The following DNAI1 variants were observed in gnomAD, a reference collection of about 807,000 sequenced individuals.
The protein encoded by DNAI1 is dynein axonemal intermediate chain 1, also known as dynein, axonemal, intermediate polypeptide 1.
A neutral mutation model predicts 92.0 loss-of-function variants in DNAI1; 67 were observed. That is an observed-to-expected ratio of 0.73 (90% CI 0.60 to 0.89). The LOEUF (loss-of-function observed/expected upper bound fraction) is 0.89. DNAI1 is among the 40% of genes least tolerant of loss of function. DNAI1 has a pLI of 0.00. For synonymous variants in DNAI1, 323 were observed against 319.6 expected, an observed-to-expected ratio of 1.01 and a Z score of -0.11; for missense variants, 839 against 866.6, an observed-to-expected ratio of 0.97 and a Z score of 0.40.
intron 10 of DNAI1, 151 bp from the exon 11 acceptor site, chr9:34,500,571 A>T: frequency 1.5e-6 from 1 of 669,698 alleles, no homozygotes; most frequent in Non-Finnish European, 2.7e-6. Flanking sequence ...ATATATCCTC[A>T]CAACAGAACT....
chr9:34,485,512 T>C lies in DNAI1; in HGVS notation c.256T>C (p.Phe86Leu), dbSNP rs376483151. The C allele has an allele frequency of 8.1e-6, 13 of 1,613,998 alleles. No homozygotes were observed. In the African/African-American group the frequency reaches 1.7e-4, roughly 22 times the overall value. Residue 86 changes from phenylalanine to leucine, a missense_variant, in exon 4 of 20, where the codon TTC (phenylalanine) becomes CTC (leucine). By Grantham distance (22) the Phe-to-Leu change is conservative (BLOSUM62 0). Coordinates refer to ENST00000242317, the MANE Select transcript of DNAI1 (RefSeq NM_012144.4). The stretch of plus-strand genomic sequence containing the variant: ...ACCCCAGAACATTGTCAGGTACAGC[T>C]TCAAAGTAAGTCATCCCCTCCTGGG... ...HAPQNIVRYS[F>L]KEGTYKPIGF...
chr9:34,476,030 A>G (rs1056551835), intron 1 of DNAI1, among the ~76,000 whole-genome samples: 2 of 152,186 alleles, frequency 1.3e-5, no homozygotes, highest in African/African-American at 4.8e-5. Context: ...TTTGTTTTCA[A>G]TGTATCCTTC....
chr9:34,485,347 T>A, intron 3 of DNAI1, 90 bp from the exon 4 acceptor site: 2 of 1,587,416 alleles, frequency 1.3e-6, no homozygotes, highest in Non-Finnish European at 1.7e-6. Context: ...GGGTGTGAGA[T>A]GTCTGCTGAT....
At chr9:34,478,689 C>T (rs999736778) in intron 1 of DNAI1, 1 of 152,204 alleles carries the variant, frequency 6.6e-6, no homozygotes. Flanking sequence ...TTGTCTGCCA[C>T]GGTGGGCTGG....
At chr9:34,488,297 G>T (rs949115839) in intron 4 of DNAI1, 2 of 174,592 alleles carry the variant, frequency 1.1e-5, no homozygotes, top group African/African-American at 4.8e-5. Context: ...AACTCTGCCT[G>T]CCTCCAAAGA....
At chr9:34,485,098 A>G (rs1824444488) in intron 2 of DNAI1, 44 bp from the exon 3 acceptor site, 1 of 1,601,966 alleles carries the variant, frequency 6.2e-7, no homozygotes, top group African/African-American at 1.3e-5. Flanking sequence ...TGCTTGTCCA[A>G]GCAGAAAAGA....
intron 18 of DNAI1, among the ~76,000 whole-genome samples, chr9:34,515,586 G>C (rs1393334479): frequency 6.6e-6 from 1 of 152,266 alleles, no homozygotes; most frequent in Non-Finnish European, 1.5e-5. Context: ...CAACAACCCA[G>C]TGTCCATCAA....
At chr9:34,518,688 T>TG (rs1191505524) in intron 19 of DNAI1, among the ~76,000 whole-genome samples, 1 of 152,210 alleles carries the variant, frequency 6.6e-6, no homozygotes, top group Non-Finnish European at 1.5e-5. Context: ...CTGGCAGAGT[T>TG]GGACAACCCT....
intron 10 of DNAI1, among the ~76,000 whole-genome samples, chr9:34,499,155 C>T (rs1336142490): frequency 6.6e-6 from 1 of 152,204 alleles, no homozygotes; most frequent in Admixed American, 6.5e-5. Context: ...TTAATCTCTG[C>T]TCTGAATTGA....
intron 1 of DNAI1, among the ~76,000 whole-genome samples, chr9:34,480,974 C>T (rs1824341628): frequency 6.6e-6 from 1 of 151,890 alleles, no homozygotes; most frequent in South Asian, 2.1e-4. Flanking sequence ...GGCGTGGTGG[C>T]TTACGCCTGT....
rs190125701 is a variant in DNAI1 at position 34,466,843 on chromosome 9, T to G, written c.48+7790T>G. ...TTCCATGGTCTCCGCTCCCTCATAATTTTAGTCTGTTTCCAGCTTATCATA... is the reference window on the plus strand; with the variant it reads ...TTCCATGGTCTCCGCTCCCTCATAAGTTTAGTCTGTTTCCAGCTTATCATA... On this transcript the variant is annotated intron_variant, in intron 1 of 19. Transcript: ENST00000242317. Among the ~76,000 whole-genome samples the G allele has an allele frequency of 2.1e-3, 323 of 152,358 alleles. 2 individuals carry two copies. Among genetic ancestry groups the G allele is most frequent in the African/African-American group, 7.0e-3 (291 of 41,588 alleles).
chr9:34,483,611 A>G (rs1485746798), intron 2 of DNAI1, 131 bp downstream of exon 2: 10 of 797,020 alleles, frequency 1.3e-5, no homozygotes, highest in Non-Finnish European at 2.0e-5. Flanking sequence ...CCTTAAACCT[A>G]CCACCTTATA....
intron 13 of DNAI1, among the ~76,000 whole-genome samples, chr9:34,509,911 A>AG (rs1316809510): frequency 6.6e-6 from 1 of 151,950 alleles, no homozygotes; most frequent in Non-Finnish European, 1.5e-5. Flanking sequence ...AAAAAAAAAA[A>AG]AAAAGAAAAA....
chr9:34,481,781 G>A (rs966373910), intron 1 of DNAI1, among the ~76,000 whole-genome samples: 9 of 152,298 alleles, frequency 5.9e-5, no homozygotes, highest in African/African-American at 2.2e-4. Flanking sequence ...GCTCAGGAGT[G>A]AAGCTGCAGA....
intron 12 of DNAI1, among the ~76,000 whole-genome samples, chr9:34,503,011 G>A (rs894915791): frequency 6.6e-6 from 1 of 152,142 alleles, no homozygotes; most frequent in Non-Finnish European, 1.5e-5. Flanking sequence ...ATTCTTTCTC[G>A]TAGCTTTCCT....
chr9:34,482,032 C>G (rs968161456), intron 1 of DNAI1, among the ~76,000 whole-genome samples: 6 of 152,164 alleles, frequency 3.9e-5, no homozygotes, highest in Non-Finnish European at 1.5e-5. Flanking sequence ...GGTTACAATC[C>G]CTGAGCAAGA....
intron 9 of DNAI1, among the ~76,000 whole-genome samples, chr9:34,493,546 C>G (rs778113757): frequency 7.9e-5 from 12 of 151,986 alleles, no homozygotes; most frequent in Non-Finnish European, 1.8e-4. Flanking sequence ...GATCTGGAGG[C>G]TAGCAGTATT....
chr9:34,509,423 C>T (rs1019965233), intron 13 of DNAI1, among the ~76,000 whole-genome samples: 1 of 151,932 alleles, frequency 6.6e-6, no homozygotes, highest in Non-Finnish European at 1.5e-5. Flanking sequence ...TGCAGAAGCC[C>T]ATATTAAAAA....
At chr9:34,461,867 G>C (rs991840276) in intron 1 of DNAI1, among the ~76,000 whole-genome samples, 1 of 152,180 alleles carries the variant, frequency 6.6e-6, no homozygotes, top group African/African-American at 2.4e-5. Flanking sequence ...TGGGAATTCA[G>C]TTCAATGGGG....
Sources: allele counts gnomAD v4.1 joint callset (sites outside exome capture counted in the v4.1 genomes callset), GRCh38; gene constraint gnomAD v4.1.1; transcripts MANE v1.5; gene names NCBI Gene and HGNC (gene_info 2026-07-23, HGNC 2026-07-21).